KIF18B: variants seen among roughly 807,000 people sequenced by gnomAD.
KIF18B encodes kinesin family member 18B.
A neutral mutation model predicts 80.9 loss-of-function variants in KIF18B; 49 were observed. The ratio of observed to expected loss-of-function variants is 0.61; its 90% CI spans 0.48 to 0.77. The LOEUF (loss-of-function observed/expected upper bound fraction) is 0.77. Ranked by LOEUF, KIF18B falls within the 30% of genes least tolerant of loss-of-function variation. The pLI, the probability that KIF18B is intolerant of heterozygous loss-of-function variation, is 0.00. For missense variants in KIF18B, 994 were observed against 1,127.7 expected (o/e 0.88, Z 1.70); for synonymous variants, 439 against 463.9 (o/e 0.95, Z 0.69).
Position 44,944,361 on chromosome 17 carries a change from GT to G in KIF18B, c.-15+3266del, listed in dbSNP as rs538087301. 1.8e-3 allele frequency among the ~76,000 whole-genome samples: 274 copies of G among 152,058 alleles called. 2 individuals are homozygous for G. The highest frequency in any genetic ancestry group is 6.5e-3 in the African/African-American group (269 of 41,486). ...CGGTCCAAGCGATTCTCCTGCCTCA[GT>G]CTCCTGAGTAGCTGGGACTACAGGT... On this transcript the variant is annotated intron_variant, in intron 1 of 15. Coordinates refer to ENST00000593135, the MANE Select transcript of KIF18B (RefSeq NM_001265577.2).
intron 7 of KIF18B, among the ~76,000 whole-genome samples, chr17:44,933,412 G>A (rs1158879475): frequency 1.3e-5 from 2 of 152,104 alleles, no homozygotes; most frequent in East Asian, 1.9e-4. Flanking sequence ...AGAACATCTT[G>A]CCCCTCTCAG....
intron 2 of KIF18B, 102 bp downstream of exon 2, chr17:44,935,930 C>T: frequency 9.6e-7 from 1 of 1,045,704 alleles, no homozygotes; most frequent in South Asian, 1.4e-5. Context: ...AAATCGTGCC[C>T]AGCTTGGGGG....
At position 44,932,904 on chromosome 17, in the gene KIF18B, C is replaced by G. The variant is rs1236960574; in HGVS notation, c.1137+8G>C. 1.3e-5 allele frequency: 21 copies of G among 1,599,390 alleles called. No homozygotes were observed. The highest frequency in any genetic ancestry group is 1.7e-5 in the Non-Finnish European group (20 of 1,168,614). On this transcript the variant is annotated splice_region_variant and intron_variant, in intron 8 of 15. Transcript: ENST00000593135. Reference sequence around the variant, plus strand: ...CCCTCCAGCCTGCCCCCAAGGCGGGCTCCTCACCTCAGCCTGGAGCTGTTG... The same window carrying G: ...CCCTCCAGCCTGCCCCCAAGGCGGGGTCCTCACCTCAGCCTGGAGCTGTTG...
chr17:44,931,213 C>T (rs886647128), intron 11 of KIF18B, among the ~76,000 whole-genome samples: 12 of 152,204 alleles, frequency 7.9e-5, no homozygotes, highest in African/African-American at 2.9e-4. Context: ...AAAACACTGG[C>T]TCAGGAAGGC....
At chr17:44,946,194 T>C (rs1269688875) in intron 1 of KIF18B, among the ~76,000 whole-genome samples, 1 of 152,238 alleles carries the variant, frequency 6.6e-6, no homozygotes, top group East Asian at 1.9e-4. Flanking sequence ...TATAAATTTA[T>C]AAAATATGCT....
In KIF18B at chr17:44,933,919, G is replaced by C; in HGVS notation, c.1062+4C>G. ...CGCCCAAGCCGGCCCTGGCTGGCAC[G>C]CACCGAGAGCCTGATCTCCTTGGCC... On this transcript the variant is annotated splice_donor_region_variant and intron_variant, in intron 7 of 15. Coordinates refer to ENST00000593135, the MANE Select transcript of KIF18B (RefSeq NM_001265577.2). The C allele has an allele frequency of 6.4e-7, 1 of 1,554,310 alleles. No homozygotes were observed. Among genetic ancestry groups the C allele is most frequent in the Non-Finnish European group, 8.7e-7 (1 of 1,150,176 alleles).
intron 9 of KIF18B, 140 bp downstream of exon 9, chr17:44,932,533 G>A: frequency 1.5e-6 from 1 of 646,012 alleles, no homozygotes. Flanking sequence ...TTGCTGGGCA[G>A]GCACTGGGTG....
In KIF18B at chr17:44,927,985, G is replaced by A; in HGVS notation, c.2276+41C>T. ...ACCAAGAAGTCCCTTGCTGACCACT[G>A]ACCACTGACAGGAGGGGTGGAGCGA... On this transcript the variant is annotated intron_variant, in intron 13 of 15. Transcript: ENST00000593135. The surrounding 1 kb of genome is among the most constrained non-coding windows in gnomAD (Gnocchi z 4.1). 2 of 1,478,316 alleles carry A rather than the reference G, an allele frequency of 1.4e-6. No individual in the cohort carries two copies. The highest frequency in any genetic ancestry group is 2.8e-5 in the African/African-American group (2 of 70,982). 91.6% of individuals were successfully genotyped at this position (1,478,316 alleles called of 1,614,324 possible). A position where few individuals can be genotyped will look rare whatever the true frequency, so the allele number is the denominator to read the frequency against.
At chr17:44,931,976 G>T in intron 10 of KIF18B, 80 bp downstream of exon 10, 1 of 1,471,522 alleles carries the variant, frequency 6.8e-7, no homozygotes, top group Non-Finnish European at 9.2e-7. Context: ...GGGACTCTGA[G>T]TCAGGGAGAG....
chr17:44,927,046 G>C lies in KIF18B; in HGVS notation c.2309C>G (p.Pro770Arg). Reference protein sequence around the residue: ...APVPLFTMKGPKPTSSLPGTS... With the variant: ...APVPLFTMKGRKPTSSLPGTS... ...CCCAGGGAGGGAAGATGTTGGCTTG[G>C]GGCCCTTCATGGTGAACAGGGGCAC... Residue 770 changes from proline (P) to arginine (R), a missense_variant, in exon 14 of 16, where the codon CCC becomes CGC. By Grantham distance (103) the Pro-to-Arg change is moderately radical (BLOSUM62 -2). Coordinates refer to ENST00000593135, the MANE Select transcript of KIF18B (RefSeq NM_001265577.2). The surrounding 1 kb of genome is among the most constrained non-coding windows in gnomAD (Gnocchi z 4.1). 1.2e-6 allele frequency: 2 copies of C among 1,612,712 alleles called. No individual in the cohort carries two copies. Among genetic ancestry groups the C allele is most frequent in the South Asian group, 1.1e-5 (1 of 90,686 alleles).
chr17:44,934,340 GC>G lies in KIF18B; in HGVS notation c.777del (p.Glu259AspfsTer50). 6.2e-7 allele frequency: 1 copy of G among 1,607,906 alleles called. No individual in the cohort carries two copies. The highest frequency in any genetic ancestry group is 1.1e-5 in the South Asian group (1 of 89,916). ...KMSLIDLAGSERASSTHAKGE... is the reference protein window; with the variant it reads ...KMSLIDLAGSXRASSTHAKGE... The stretch of plus-strand genomic sequence containing the variant: ...CCCTTCGCATGGGTGCTGGATGCCC[GC>G]TCTGAGCCAGCCAGGTCAATCAGGC... On this transcript the variant is annotated frameshift_variant, in exon 6 of 16. Transcript: ENST00000593135. LOFTEE classifies it high-confidence loss of function. This position sits in a 1 kb window ranked among gnomAD's most constrained non-coding sequence, Gnocchi z 5.4.
At position 44,926,149 on chromosome 17, in the gene KIF18B, C is replaced by T; in HGVS notation, c.2490G>A (p.Arg830=). ...CCACCCTGATGAGGTCCTTTCCATT[C>T]CTCCGGTTGCTAGGGCACAGGGGAC... The part of the protein sequence containing the change: ...PLSPLCPSNR[R]NGKDLIRVGR... The change falls in exon 16 of 16, where the codon AGG becomes AGA. Residue 830 remains arginine, a synonymous_variant. Coordinates refer to ENST00000593135, the MANE Select transcript of KIF18B (RefSeq NM_001265577.2). 1 of 1,613,930 alleles carries T rather than the reference C, an allele frequency of 6.2e-7. No homozygotes were observed. The highest frequency in any genetic ancestry group is 8.5e-7 in the Non-Finnish European group (1 of 1,179,874).
At chr17:44,926,961 C>G in intron 14 of KIF18B, 28 bp downstream of exon 14, 4 of 1,580,556 alleles carry the variant, frequency 2.5e-6, no homozygotes, top group Non-Finnish European at 3.4e-6. Context: ...CTCCTTCTCC[C>G]AGACAGCTGA....
intron 1 of KIF18B, among the ~76,000 whole-genome samples, chr17:44,946,799 A>G (rs139296776): frequency 0.013 from 1,960 of 152,240 alleles, 13 homozygotes; most frequent in Non-Finnish European, 0.016. Flanking sequence ...TCTGTCATAT[A>G]AATGTTCTTT....
Position 44,935,146 on chromosome 17 carries a change from G to T in KIF18B, c.471+113C>A, listed in dbSNP as rs2052254699. The stretch of plus-strand genomic sequence containing the variant: ...CTGAGCAGTATCTATCTCCTTGAGG[G>T]GTGCCAGCTCTCCATTTCCTGCCAC... On this transcript the variant is annotated intron_variant, in intron 3 of 15. Coordinates refer to ENST00000593135, the MANE Select transcript of KIF18B (RefSeq NM_001265577.2). The T allele has an allele frequency of 2.6e-6, 3 of 1,143,386 alleles. No individual in the cohort carries two copies. The South Asian group carries it at 4.9e-5, about 19-fold the overall frequency. 70.8% of individuals were successfully genotyped at this position (1,143,386 alleles called of 1,614,324 possible). A position where few individuals can be genotyped will look rare whatever the true frequency, so the allele number is the denominator to read the frequency against.
rs2145659583 is a variant in KIF18B at position 44,925,824 on chromosome 17, A to G, written c.*256T>C. 3.8e-6 allele frequency: 2 copies of G among 528,214 alleles called. No individual in the cohort carries two copies. Among genetic ancestry groups the G allele is most frequent in the Non-Finnish European group, 6.6e-6 (2 of 300,880 alleles). 32.7% of individuals were successfully genotyped at this position (528,214 alleles called of 1,614,324 possible). A position where few individuals can be genotyped will look rare whatever the true frequency, so the allele number is the denominator to read the frequency against. ...AACAAAAACCACCAAAAAACAAAAA[A>G]CAGCAGCACATTAACACTCACAAAT... On this transcript the variant is annotated 3_prime_UTR_variant, in exon 16 of 16. Transcript: ENST00000593135.
In KIF18B at chr17:44,928,052, G is replaced by A. The variant is rs767466764; in HGVS notation, c.2250C>T (p.Ser750=). 2.2e-5 allele frequency: 33 copies of A among 1,528,552 alleles called. No individual in the cohort carries two copies. In the South Asian group the frequency reaches 2.7e-4, roughly 13 times the overall value. The allele number at this position is 1,528,552 out of a possible 1,614,324, so 94.7% of individuals were successfully genotyped here. ...TGGGGATGAAGGGCTGGTCCAGCCT[G>A]CTCAGCTCCTGGGGTATTTTGTCCC... ...IGWDKIPQEL[S]RLDQPFIPRA... Residue 750 remains serine (S), a synonymous_variant, in exon 13 of 16, where the codon AGC becomes AGT. Coordinates refer to ENST00000593135, the MANE Select transcript of KIF18B (RefSeq NM_001265577.2).
intron 1 of KIF18B, among the ~76,000 whole-genome samples, chr17:44,936,641 T>A (rs1292048348): frequency 8.7e-5 from 7 of 80,358 alleles, no homozygotes; most frequent in South Asian, 4.5e-4. Context: ...TTTTTTTTTT[T>A]TTTTTTTTTT....
chr17:44,945,082 G>T (rs1273481189), intron 1 of KIF18B, among the ~76,000 whole-genome samples: 1 of 152,056 alleles, frequency 6.6e-6, no homozygotes, highest in East Asian at 1.9e-4. Context: ...TATTTATTGA[G>T]ACAGTTTCAC....
Sources: gnomAD v4.1 joint callset for allele counts (sites outside exome capture counted in the v4.1 genomes callset) on GRCh38, gnomAD v4.1.1 for gene constraint, Gnocchi (gnomAD v3.1) non-coding constraint, MANE v1.5 for transcripts, NCBI Gene and HGNC (gene_info 2026-07-23, HGNC 2026-07-21) for gene names.